The following NLGN4X variants were observed in gnomAD, a reference collection of about 807,000 sequenced individuals.
NLGN4X encodes neuroligin-4, X-linked.
Under a neutral mutation model 40.3 loss-of-function variants are expected in NLGN4X, and 3 were observed. The ratio of observed to expected loss-of-function variants is 0.07; its 90% confidence interval spans 0.03 to 0.19. NLGN4X has a LOEUF of 0.19. Ranked by LOEUF, NLGN4X falls within the 10% of genes least tolerant of loss-of-function variation. NLGN4X has a pLI of 1.00. For synonymous variants in NLGN4X, 270 were observed against 306.8 expected (o/e 0.88, Z 1.25); for missense variants, 382 against 708.3 (o/e 0.54, Z 5.23).
At chrX:6,146,121 G>GAAAAAAAAAAAAAAAA (rs779983813) in intron 2 of NLGN4X, among the ~76,000 whole-genome samples, 1 of 71,271 alleles carries the variant, frequency 1.4e-5, no homozygotes. Flanking sequence ...TTTCTAAAAG[G>GAAAAAAAAAAAAAAAA]AAAAAAAAAA....
intron 2 of NLGN4X, among the ~76,000 whole-genome samples, chrX:6,052,561 T>A: frequency 8.9e-6 from 1 of 111,774 alleles, no homozygotes; most frequent in Admixed American, 9.5e-5. Flanking sequence ...GCACGGGCAT[T>A]TGGGCTGCCT....
chrX:6,064,263 A>G (rs2037845948), intron 2 of NLGN4X, among the ~76,000 whole-genome samples: 1 of 111,147 alleles, frequency 9.0e-6, no homozygotes, highest in Non-Finnish European at 1.9e-5. Context: ...TCGACTCTAC[A>G]TGACAGCAAA....
intron 1 of NLGN4X, among the ~76,000 whole-genome samples, chrX:6,172,442 T>C (rs1274168668): frequency 8.9e-6 from 1 of 112,284 alleles, no homozygotes; most frequent in East Asian, 2.8e-4. Flanking sequence ...TCCATTTTGC[T>C]ATCTCTCTCT....
chrX:5,900,109 C>G lies in NLGN4X; in HGVS notation c.1601+2968G>C, dbSNP rs111445339. 4.5e-5 allele frequency among the ~76,000 whole-genome samples: 5 copies of G among 112,290 alleles called. No homozygotes were observed. In the East Asian group the frequency reaches 1.1e-3, roughly 25 times the overall value. On this transcript the variant is annotated intron_variant, in intron 5 of 5. Transcript: ENST00000381095. ...GTGCTGTCACAAAAGAGGGCCTGGC[C>G]CTGATTTCACAGGGTATTAGAGATT...
chrX:6,125,304 G>GA (rs1411501724), intron 2 of NLGN4X, among the ~76,000 whole-genome samples: 1 of 111,851 alleles, frequency 8.9e-6, no homozygotes, highest in Non-Finnish European at 1.9e-5. Context: ...AGAAATTAGC[G>GA]AAACAGAGAA....
intron 2 of NLGN4X, among the ~76,000 whole-genome samples, chrX:6,106,990 T>A (rs1158512297): frequency 8.9e-6 from 1 of 112,919 alleles, no homozygotes; most frequent in Non-Finnish European, 1.9e-5. Context: ...ATTCATTTAT[T>A]CAGATAACCT....
chrX:6,123,613 GC>G (rs764113967), intron 2 of NLGN4X, among the ~76,000 whole-genome samples: 1 of 110,916 alleles, frequency 9.0e-6, no homozygotes, highest in East Asian at 2.8e-4. Context: ...TAGAGAAAAT[GC>G]TAAATCAATA....
At chrX:6,213,346 A>G (rs1001152122) in intron 1 of NLGN4X, among the ~76,000 whole-genome samples, 1 of 111,899 alleles carries the variant, frequency 8.9e-6, no homozygotes, top group African/African-American at 3.2e-5. Flanking sequence ...GGAAAAACTG[A>G]GAAACTGTCA....
intron 2 of NLGN4X, among the ~76,000 whole-genome samples, chrX:6,043,670 C>T (rs2037237383): frequency 8.9e-6 from 1 of 111,805 alleles, no homozygotes; most frequent in African/African-American, 3.3e-5. Flanking sequence ...TCATTCACAA[C>T]TCGCCCTTAG....
chrX:6,152,322 G>A lies in NLGN4X; in HGVS notation c.-305-551C>T, dbSNP rs1270380690. On this transcript the variant is annotated intron_variant, in intron 1 of 5. Coordinates refer to ENST00000381095, the MANE Select transcript of NLGN4X (RefSeq NM_181332.3). ...AGAAAACACTAAACAAATCTGTGTT[G>A]AATGATCAAACAGATGTTCAAGAGT... Among the ~76,000 whole-genome samples, 3 of 112,042 alleles carry A rather than the reference G, an allele frequency of 2.7e-5. No individual in the cohort carries two copies. In the Admixed American group the frequency reaches 2.8e-4, roughly 11 times the overall value.
intron 3 of NLGN4X, among the ~76,000 whole-genome samples, chrX:5,913,104 A>C (rs985296442): frequency 2.7e-5 from 3 of 109,673 alleles, no homozygotes; most frequent in East Asian, 2.9e-4. Flanking sequence ...GGAAAGAAGG[A>C]AGGCAGGCAT....
intron 3 of NLGN4X, among the ~76,000 whole-genome samples, chrX:6,008,670 T>C (rs1400520710): frequency 8.9e-6 from 1 of 112,059 alleles, no homozygotes; most frequent in Non-Finnish European, 1.9e-5. Context: ...CCATAATGTT[T>C]TATTTTACTG....
chrX:6,080,689 C>A (rs1030532482), intron 2 of NLGN4X, among the ~76,000 whole-genome samples: 1 of 111,798 alleles, frequency 8.9e-6, no homozygotes, highest in African/African-American at 3.3e-5. Context: ...CCCACAAAAT[C>A]TTCAAGGGCA....
At chrX:6,070,513 G>A (rs1175014139) in intron 2 of NLGN4X, among the ~76,000 whole-genome samples, 1 of 111,741 alleles carries the variant, frequency 8.9e-6, no homozygotes, top group East Asian at 2.8e-4. Context: ...GGAGGTCTAG[G>A]TGGAAAGACT....
intron 2 of NLGN4X, chrX:6,061,693 G>A (rs1196657595): frequency 8.9e-6 from 1 of 111,758 alleles, no homozygotes; most frequent in African/African-American, 3.3e-5. Context: ...ACAGACAAAA[G>A]GACGAGGACA....
At chrX:6,093,183 C>A (rs959456674) in intron 2 of NLGN4X, among the ~76,000 whole-genome samples, 2 of 111,874 alleles carry the variant, frequency 1.8e-5, no homozygotes, top group Non-Finnish European at 1.9e-5. Context: ...ATCTGTATAG[C>A]CAGAAGACAG....
chrX:6,112,566 C>CT (rs778748423), intron 2 of NLGN4X, among the ~76,000 whole-genome samples: 181 of 87,308 alleles, frequency 2.1e-3, no homozygotes, highest in East Asian at 5.0e-3. Flanking sequence ...TCCCCGCTTT[C>CT]TTTTTTTTTT....
At chrX:6,086,272 G>A (rs2038494392) in intron 2 of NLGN4X, among the ~76,000 whole-genome samples, 1 of 112,083 alleles carries the variant, frequency 8.9e-6, no homozygotes, top group African/African-American at 3.2e-5. Flanking sequence ...ATGTTTTCAT[G>A]TGTCATGGCT....
intron 4 of NLGN4X, among the ~76,000 whole-genome samples, chrX:5,904,631 G>C (rs57049927): frequency 0.15 from 16,511 of 111,562 alleles, 968 homozygotes; most frequent in African/African-American, 0.19. Context: ...GTAAAATTCT[G>C]TGTAGCTTAA....
Sources: gnomAD v4.1 joint callset for allele counts (sites outside exome capture counted in the v4.1 genomes callset) on GRCh38, gnomAD v4.1.1 for gene constraint, MANE v1.5 for transcripts, NCBI Gene and HGNC (gene_info 2026-07-23, HGNC 2026-07-21) for gene names.